Variants in ZNF664 observed in about 807,000 individuals in gnomAD.
ZNF664 encodes zinc finger protein 664, also known as zinc finger Organ of Corti 1.
ZNF664 carries 10 observed loss-of-function variants against 18.2 expected under a neutral mutation model. That is an observed-to-expected ratio of 0.55 (90% CI 0.34 to 0.93). ZNF664 has a LOEUF of 0.93. Ranked by LOEUF, ZNF664 falls within the 40% of genes least tolerant of loss-of-function variation. ZNF664 has a pLI of 0.02. For missense variants in ZNF664, 193 were observed against 319.0 expected, an observed-to-expected ratio of 0.61 and a Z score of 3.01; for synonymous variants, 119 against 104.2, an observed-to-expected ratio of 1.14 and a Z score of -0.86.
intron 2 of ZNF664, among the ~76,000 whole-genome samples, chr12:123,984,402 G>T (rs1324491403): frequency 1.3e-5 from 2 of 152,160 alleles, no homozygotes; most frequent in Non-Finnish European, 2.9e-5. Context: ...TGAGGCATGA[G>T]TGGGAAGTGA....
chr12:123,999,910 A>C (rs1010096236), intron 3 of ZNF664, among the ~76,000 whole-genome samples: 2 of 152,240 alleles, frequency 1.3e-5, no homozygotes, highest in Non-Finnish European at 2.9e-5. Flanking sequence ...GGGTGAGGTC[A>C]CACAAGCATT....
chr12:124,004,707 C>T (rs148343314), intron 3 of ZNF664, among the ~76,000 whole-genome samples: 1 of 152,152 alleles, frequency 6.6e-6, no homozygotes, highest in Non-Finnish European at 1.5e-5. Flanking sequence ...AGCTGCTCCC[C>T]ATTGCTTGCA....
At chr12:123,984,874 G>C (rs1400582078) in intron 2 of ZNF664, among the ~76,000 whole-genome samples, 1 of 152,048 alleles carries the variant, frequency 6.6e-6, no homozygotes, top group Non-Finnish European at 1.5e-5. Flanking sequence ...ATGGAGACAG[G>C]ACATACTGTA....
Position 124,012,585 on chromosome 12 carries a change from G to A in ZNF664, c.441G>A (p.Glu147=), listed in dbSNP as rs748388624. The change falls in exon 5 of 5, where the codon GAG becomes GAA. Residue 147 remains glutamate, a synonymous_variant. Coordinates refer to ENST00000337815, the MANE Select transcript of ZNF664 (RefSeq NM_152437.3). ...HTGEKPFKCE[E]CGKAFRHTSS... is the part of the protein sequence containing the mutation. ...GAGAGAAGCCCTTTAAATGTGAAGA[G>A]TGTGGGAAGGCCTTCAGGCACACCT... 8 of 1,613,862 alleles carry A rather than the reference G, an allele frequency of 5.0e-6. No homozygotes were observed. The highest frequency in any genetic ancestry group is 6.8e-6 in the Non-Finnish European group (8 of 1,179,936).
At position 124,012,919 on chromosome 12, in the gene ZNF664, T is replaced by C. The variant is rs763567563; in HGVS notation, c.775T>C (p.Ser259Pro). The C allele has an allele frequency of 1.3e-5, 21 of 1,613,130 alleles. No individual in the cohort carries two copies. Among genetic ancestry groups the C allele is most frequent in the South Asian group, 2.2e-5 (2 of 90,902 alleles). ...AAAGGAGAGAAACCATCTCAAAATATCAGTTATATAAAACGTTTTGCTAAG... is the reference window on the plus strand; with the variant it reads ...AAAGGAGAGAAACCATCTCAAAATACCAGTTATATAAAACGTTTTGCTAAG... ...HTKERNHLKI[S>P]VI The change falls in exon 5 of 5, where the codon TCA (serine) becomes CCA (proline). Residue 259 changes from serine (S) to proline (P), a missense_variant. By Grantham distance (74) the Ser-to-Pro change is moderately conservative. This residue lies in a region of ZNF664 where 42 missense variants were observed against 46.4 expected (regional missense o/e 0.91). Coordinates refer to ENST00000337815, the MANE Select transcript of ZNF664 (RefSeq NM_152437.3).
intron 3 of ZNF664, among the ~76,000 whole-genome samples, chr12:124,000,870 C>T (rs1957003695): frequency 1.3e-5 from 2 of 152,134 alleles, no homozygotes; most frequent in Non-Finnish European, 2.9e-5. Flanking sequence ...TTATTCCCTC[C>T]CCCTGTTTAA....
chr12:124,006,727 T>C (rs1277521372), intron 3 of ZNF664, among the ~76,000 whole-genome samples: 2 of 152,208 alleles, frequency 1.3e-5, no homozygotes, highest in Non-Finnish European at 2.9e-5. Flanking sequence ...TTTTGTTGTT[T>C]GAGTTCTCCT....
In ZNF664 at chr12:124,012,368, A is replaced by C; in HGVS notation, c.224A>C (p.Asn75Thr). 1.2e-6 allele frequency: 2 copies of C among 1,614,236 alleles called. No homozygotes were observed. Among genetic ancestry groups the C allele is most frequent in the Non-Finnish European group, 1.7e-6 (2 of 1,180,046 alleles). ...GKDFSTTTKL[N>T]RHKKIHTVEK... is the part of the protein sequence containing the mutation. Reference sequence around the variant, plus strand: ...GATTTTAGCACTACAACAAAACTTAATAGACATAAGAAAATCCACACAGTG... The same window carrying C: ...GATTTTAGCACTACAACAAAACTTACTAGACATAAGAAAATCCACACAGTG... The change falls in exon 5 of 5, where the codon AAT (asparagine) becomes ACT (threonine). Residue 75 changes from asparagine (N) to threonine (T), a missense_variant. By Grantham distance (65) the Asn-to-Thr change is moderately conservative. Coordinates refer to ENST00000337815, the MANE Select transcript of ZNF664 (RefSeq NM_152437.3).
intron 3 of ZNF664, among the ~76,000 whole-genome samples, chr12:123,996,273 T>C (rs925046934): frequency 6.6e-6 from 1 of 152,154 alleles, no homozygotes; most frequent in African/African-American, 2.4e-5. Flanking sequence ...AGGTCACACT[T>C]AGTAAGTGGG....
chr12:124,010,643 C>A (rs1036567175), intron 3 of ZNF664, among the ~76,000 whole-genome samples: 6 of 152,162 alleles, frequency 3.9e-5, no homozygotes, highest in African/African-American at 1.4e-4. Flanking sequence ...TCATTGAACA[C>A]CTCTCATTGC....
At chr12:123,983,229 A>G (rs1463229984) in intron 2 of ZNF664, among the ~76,000 whole-genome samples, 1 of 152,228 alleles carries the variant, frequency 6.6e-6, no homozygotes, top group Non-Finnish European at 1.5e-5. Context: ...AATGGCTATG[A>G]TTACTCATTT....
chr12:124,005,247 CT>C (rs1351569573), intron 3 of ZNF664, among the ~76,000 whole-genome samples: 1 of 152,140 alleles, frequency 6.6e-6, no homozygotes, highest in Non-Finnish European at 1.5e-5. Flanking sequence ...AAACCGTGAG[CT>C]TTTTGCTGTT....
intron 2 of ZNF664, among the ~76,000 whole-genome samples, chr12:123,982,361 C>T (rs1320634897): frequency 6.6e-6 from 1 of 152,202 alleles, no homozygotes; most frequent in Non-Finnish European, 1.5e-5. Flanking sequence ...TGGTGGCAGT[C>T]AGTGTGGCTG....
chr12:123,974,250 C>CT (rs1374510808), intron 2 of ZNF664: 1 of 389,752 alleles, frequency 2.6e-6, no homozygotes, highest in Non-Finnish European at 4.5e-6. Context: ...ACTCTAACAA[C>CT]TAAATCTCCC....
Position 123,973,263 on chromosome 12 carries a change from GC to G in ZNF664, c.-980del. 1.0e-6 allele frequency: 1 copy of G among 1,000,918 alleles called. No homozygotes were observed. 62.0% of individuals were successfully genotyped at this position (1,000,918 alleles called of 1,614,324 possible). ...GGTGTGCGGAGCGCGCGCGCGCGCGGCTCGGAGGCGCACCTGTGAGGTGTCC... is the reference window on the plus strand; with the variant it reads ...GGTGTGCGGAGCGCGCGCGCGCGCGGTCGGAGGCGCACCTGTGAGGTGTCC... On this transcript the variant is annotated 5_prime_UTR_variant, in exon 1 of 5. Coordinates refer to ENST00000337815, the MANE Select transcript of ZNF664 (RefSeq NM_152437.3).
At chr12:124,010,686 C>T (rs534986947) in intron 3 of ZNF664, among the ~76,000 whole-genome samples, 1 of 152,218 alleles carries the variant, frequency 6.6e-6, no homozygotes, top group Non-Finnish European at 1.5e-5. Flanking sequence ...CACACAGTTC[C>T]TCCTTCATGG....
At chr12:124,000,041 A>G (rs1349592074) in intron 3 of ZNF664, among the ~76,000 whole-genome samples, 1 of 152,238 alleles carries the variant, frequency 6.6e-6, no homozygotes, top group African/African-American at 2.4e-5. Context: ...TTTAGAAGGA[A>G]GGCCCGTTTG....
At chr12:123,987,516 C>T (rs550176551) in intron 2 of ZNF664, among the ~76,000 whole-genome samples, 2 of 152,300 alleles carry the variant, frequency 1.3e-5, no homozygotes, top group East Asian at 3.9e-4. Context: ...CTTATCAGAT[C>T]AGCTGCCTTT....
chr12:123,975,156 G>A (rs559677302), intron 2 of ZNF664, among the ~76,000 whole-genome samples: 7 of 152,188 alleles, frequency 4.6e-5, no homozygotes, highest in East Asian at 1.9e-4. Context: ...GATACAGTGC[G>A]TATGTGTTGT....
Sources: allele counts gnomAD v4.1 joint callset (sites outside exome capture counted in the v4.1 genomes callset), GRCh38; gene constraint gnomAD v4.1.1; regional missense constraint gnomAD v4.1.1; transcripts MANE v1.5; gene names NCBI Gene and HGNC (gene_info 2026-07-23, HGNC 2026-07-21).